RNASEH1: variants seen among roughly 807,000 people sequenced by gnomAD.
RNASEH1 encodes the protein ribonuclease H type II.
In RNASEH1, 27 loss-of-function variants were observed where a neutral mutation model predicts 34.6. The ratio of observed to expected loss-of-function variants is 0.78; its 90% CI spans 0.58 to 1.08. The LOEUF is 1.08. Ranked by LOEUF, RNASEH1 falls within the 50% of genes least tolerant of loss-of-function variation. The pLI is 0.00. For missense variants in RNASEH1, 349 were observed against 373.6 expected, an observed-to-expected ratio of 0.93 and a Z score of 0.54; for synonymous variants, 162 against 138.4, an observed-to-expected ratio of 1.17 and a Z score of -1.20.
rs1669183252 is a variant in RNASEH1, at chr2:3,550,407, C to T, written c.475G>A (p.Gly159Arg). 1 of 1,614,022 alleles carries T rather than the reference C, an allele frequency of 6.2e-7. No homozygotes were observed. The highest frequency in any genetic ancestry group is 1.7e-5 in the Admixed American group (1 of 60,008). ...CCTGGCCCCCAGTAAACGCCGATTCCTGCTCGCGGCCTTCTACGCCCATTA... is the reference window on the plus strand; with the variant it reads ...CCTGGCCCCCAGTAAACGCCGATTCTTGCTCGCGGCCTTCTACGCCCATTA... Reference protein sequence around the residue: ...SSNGRRRPRAGIGVYWGPGHP... With the variant: ...SSNGRRRPRARIGVYWGPGHP... Residue 159 changes from glycine (G) to arginine (R), a missense_variant, in exon 4 of 8, where the codon GGA becomes AGA. Physicochemically the swap from Gly to Arg is moderately radical, Grantham distance 125. This residue lies in a region of RNASEH1 where 256 missense variants were observed against 240.7 expected (regional missense o/e 1.06). Transcript: ENST00000315212.
At chr2:3,552,396 T>TGATACTAA in intron 2 of RNASEH1, 88 bp from the exon 3 acceptor site, 4 of 1,321,768 alleles carry the variant, frequency 3.0e-6, no homozygotes, top group Non-Finnish European at 4.2e-6. Context: ...AATTATTTAG[T>TGATACTAA]ATCATTAAAT....
Position 3,542,392 on chromosome 2 carries a change from C to G in RNASEH1, c.*3393G>C, listed in dbSNP as rs1447010611. 1.3e-5 allele frequency among the ~76,000 whole-genome samples: 2 copies of G among 152,186 alleles called. No individual in the cohort carries two copies. The highest frequency in any genetic ancestry group is 2.9e-5 in the Non-Finnish European group (2 of 68,034). On this transcript the variant is annotated 3_prime_UTR_variant, in exon 8 of 8. Coordinates refer to ENST00000315212, the MANE Select transcript of RNASEH1 (RefSeq NM_002936.6). Reference sequence around the variant, plus strand: ...GGGGAAGAAAACAAGATTCATCAGGCTTTTCATGCATCACTTTATGCTGGA... The same window carrying G: ...GGGGAAGAAAACAAGATTCATCAGGGTTTTCATGCATCACTTTATGCTGGA...
chr2:3,545,895 T>A, intron 7 of RNASEH1, 24 bp from the exon 8 acceptor site: 1 of 1,527,988 alleles, frequency 6.5e-7, no homozygotes, highest in Non-Finnish European at 9.1e-7. Context: ...TGTTTTCCTT[T>A]TATTTTTACT....
In RNASEH1 at chr2:3,542,390, G is replaced by T. The variant is rs1156881961; in HGVS notation, c.*3395C>A. Among the ~76,000 whole-genome samples, 2 of 152,194 alleles carry T rather than the reference G, an allele frequency of 1.3e-5. No homozygotes were observed. The highest frequency in any genetic ancestry group is 2.9e-5 in the Non-Finnish European group (2 of 68,032). ...CAGGGGAAGAAAACAAGATTCATCA[G>T]GCTTTTCATGCATCACTTTATGCTG... On this transcript the variant is annotated 3_prime_UTR_variant, in exon 8 of 8. Transcript: ENST00000315212.
chr2:3,531,914 A>G, the RNASEH1 span: 1 of 238,466 alleles, frequency 4.2e-6, no homozygotes, highest in Admixed American at 5.2e-5. Context: ...TGCTATAAGT[A>G]CAATTGTTGT....
At chr2:3,551,087 G>A (rs1441239569) in intron 3 of RNASEH1, among the ~76,000 whole-genome samples, 1 of 152,272 alleles carries the variant, frequency 6.6e-6, no homozygotes, top group African/African-American at 2.4e-5. Context: ...GGGATCAGAG[G>A]TCAGGTTGCA....
chr2:3,541,040 A>G (rs1441739218), downstream of RNASEH1, among the ~76,000 whole-genome samples: 1 of 152,132 alleles, frequency 6.6e-6, no homozygotes, highest in African/African-American at 2.4e-5. Flanking sequence ...AGTTTCTTAA[A>G]AAGCACACAC....
chr2:3,538,752 T>C (rs2103264292), downstream of RNASEH1, among the ~76,000 whole-genome samples: 1 of 152,248 alleles, frequency 6.6e-6, no homozygotes, highest in African/African-American at 2.4e-5. Flanking sequence ...ATCTGCAGAG[T>C]GGGGACTGGT....
Position 3,545,234 on chromosome 2 carries a change from C to T in RNASEH1, c.*551G>A, listed in dbSNP as rs1186592972. ...AGGGTCGCCGCAGGCAGGCTTTGCC[C>T]TATACTAACTGCCCAGCAAGCAGGC... On this transcript the variant is annotated 3_prime_UTR_variant, in exon 8 of 8. Coordinates refer to ENST00000315212, the MANE Select transcript of RNASEH1 (RefSeq NM_002936.6). 2 of 155,008 alleles carry T rather than the reference C, an allele frequency of 1.3e-5. No individual in the cohort carries two copies. The highest frequency in any genetic ancestry group is 2.9e-5 in the Non-Finnish European group (2 of 69,802). The allele number at this position is 155,008 out of a possible 1,614,324, so 9.6% of individuals were successfully genotyped here.
chr2:3,532,040 A>T, the RNASEH1 span: 1 of 563,764 alleles, frequency 1.8e-6, no homozygotes, highest in Non-Finnish European at 3.2e-6. Context: ...AGAAGACAAG[A>T]CAGCAAGATT....
chr2:3,552,778 G>A (rs1660102663), intron 2 of RNASEH1, among the ~76,000 whole-genome samples: 3 of 151,994 alleles, frequency 2.0e-5, no homozygotes, highest in African/African-American at 7.3e-5. Flanking sequence ...TACGAGTATC[G>A]CTTGAGCCCG....
intron 2 of RNASEH1, among the ~76,000 whole-genome samples, chr2:3,555,580 G>A (rs1422304297): frequency 2.6e-5 from 4 of 152,328 alleles, no homozygotes; most frequent in Admixed American, 6.5e-5. Context: ...ATTCGAAGGA[G>A]CAGTTGTTCA....
chr2:3,548,152 T>C, intron 6 of RNASEH1, 97 bp from the exon 7 acceptor site: 4 of 1,430,710 alleles, frequency 2.8e-6, no homozygotes, highest in South Asian at 1.2e-5. Flanking sequence ...ACTTGTATTC[T>C]GAGTCACCAT....
the RNASEH1 span, among the ~76,000 whole-genome samples, chr2:3,535,993 G>T: frequency 6.6e-6 from 1 of 152,246 alleles, no homozygotes; most frequent in Non-Finnish European, 1.5e-5. Context: ...CCACGAGAGA[G>T]CCAGCACCAG....
At chr2:3,534,546 T>C in the RNASEH1 span, among the ~76,000 whole-genome samples, 1 of 152,228 alleles carries the variant, frequency 6.6e-6, no homozygotes, top group Non-Finnish European at 1.5e-5. Flanking sequence ...TGCCACCACG[T>C]TCCCCTCATC....
At chr2:3,557,060 G>T (rs1660578146) in intron 1 of RNASEH1, among the ~76,000 whole-genome samples, 156 bp from the exon 2 acceptor site, 1 of 152,166 alleles carries the variant, frequency 6.6e-6, no homozygotes, top group Non-Finnish European at 1.5e-5. Flanking sequence ...CAACATCAGA[G>T]GATGCTTAAG....
chr2:3,549,587 ACCTGTG>A (rs1439657131), intron 4 of RNASEH1, among the ~76,000 whole-genome samples: 1 of 152,164 alleles, frequency 6.6e-6, no homozygotes, highest in Admixed American at 6.5e-5. Flanking sequence ...GGTGGCTCAC[ACCTGTG>A]ATCTCGGCAC....
At chr2:3,556,754 G>A (rs776760459) in intron 2 of RNASEH1, 35 bp downstream of exon 2, 35 of 1,440,844 alleles carry the variant, frequency 2.4e-5, no homozygotes, top group Non-Finnish European at 3.4e-5. Flanking sequence ...CCTTTGAATA[G>A]GTTAAAATGT....
At position 3,547,481 on chromosome 2, in the gene RNASEH1, A is replaced by AT. The variant is rs751838150; in HGVS notation, c.774+449dup. On this transcript the variant is annotated intron_variant, in intron 7 of 7. Transcript: ENST00000315212. ...TGAACCACTGAGCCCAGGCTCACAT[A>AT]TTTTTTTTTTTTTTTTGAGACGGGG... Among the ~76,000 whole-genome samples, 616 of 139,660 alleles carry AT rather than the reference A, an allele frequency of 4.4e-3. 5 individuals carry two copies. Among genetic ancestry groups the AT allele is most frequent in the African/African-American group, 0.012 (472 of 38,020 alleles). 91.6% of individuals were successfully genotyped at this position (139,660 alleles called of 152,430 possible).
Sources: allele counts gnomAD v4.1 joint callset (sites outside exome capture counted in the v4.1 genomes callset), GRCh38; gene constraint gnomAD v4.1.1; regional missense constraint gnomAD v4.1.1; transcripts MANE v1.5; gene names NCBI Gene and HGNC (gene_info 2026-07-23, HGNC 2026-07-21).